RASGEF1A: variants seen among roughly 807,000 people sequenced by gnomAD.
RASGEF1A encodes RasGEF domain family member 1A, also known as ras-GEF domain-containing family member 1A.
Under a neutral mutation model 56.4 loss-of-function variants are expected in RASGEF1A, and 18 were observed. The observed-to-expected ratio is 0.32, with a 90% confidence interval of 0.22 to 0.47. RASGEF1A has a LOEUF of 0.47. Ranked by LOEUF, RASGEF1A falls within the 20% of genes least tolerant of loss-of-function variation. RASGEF1A has a pLI of 1.00. For synonymous variants in RASGEF1A, 245 were observed against 242.6 expected (o/e 1.01, Z -0.09); for missense variants, 422 against 627.1 (o/e 0.67, Z 3.49).
rs1433092848 is a variant in RASGEF1A at position 43,194,732 on chromosome 10, T to C, written c.*1512A>G. ...GTACTAGAACTGATCACCCGTGAAG[T>C]GCACGTGGGTGTGTACAGAAACCGT... On this transcript the variant is annotated 3_prime_UTR_variant, in exon 13 of 13. Transcript: ENST00000395810. The C allele has an allele frequency of 1.3e-5, 2 of 152,406 alleles. No homozygotes were observed. The highest frequency in any genetic ancestry group is 1.3e-4 in the Admixed American group (2 of 15,286). The allele number at this position is 152,406 out of a possible 1,614,324, so 9.4% of individuals were successfully genotyped here.
intron 1 of RASGEF1A, among the ~76,000 whole-genome samples, chr10:43,225,403 G>A (rs1840264584): frequency 6.6e-6 from 1 of 151,582 alleles, no homozygotes; most frequent in Admixed American, 6.6e-5. Context: ...GTCTGTGTGT[G>A]TGCCTGCATG....
At chr10:43,242,878 C>T in intron 1 of RASGEF1A, among the ~76,000 whole-genome samples, 1 of 152,228 alleles carries the variant, frequency 6.6e-6, no homozygotes, top group East Asian at 1.9e-4. Context: ...TCTCGGCTCA[C>T]TACAACCTCC....
chr10:43,199,402 A>G (rs1446061824), intron 7 of RASGEF1A, among the ~76,000 whole-genome samples: 2 of 152,200 alleles, frequency 1.3e-5, no homozygotes, highest in Non-Finnish European at 2.9e-5. Flanking sequence ...GGAAGGCACC[A>G]TCTGCCCCAG....
intron 1 of RASGEF1A, among the ~76,000 whole-genome samples, chr10:43,262,133 G>T (rs180724927): frequency 1.6e-4 from 25 of 152,286 alleles, no homozygotes; most frequent in African/African-American, 5.3e-4. Flanking sequence ...GGCAGAGAGA[G>T]TGGGGGAGGG....
intron 1 of RASGEF1A, among the ~76,000 whole-genome samples, chr10:43,242,300 G>A (rs1231043313): frequency 3.3e-5 from 5 of 152,050 alleles, no homozygotes; most frequent in African/African-American, 1.2e-4. Context: ...TGATTAAAGG[G>A]CTAATCAACA....
chr10:43,248,578 C>A (rs1362306105), intron 1 of RASGEF1A, among the ~76,000 whole-genome samples: 1 of 152,214 alleles, frequency 6.6e-6, no homozygotes, highest in Non-Finnish European at 1.5e-5. Context: ...CACAATCTAA[C>A]AGGTGAGAAT....
At chr10:43,214,007 CAT>C (rs750768131) in intron 1 of RASGEF1A, among the ~76,000 whole-genome samples, 2 of 152,328 alleles carry the variant, frequency 1.3e-5, no homozygotes, top group Admixed American at 6.5e-5. Context: ...CCTCTGGCCT[CAT>C]GTGTGCAAAA....
rs530024918 is a variant in RASGEF1A at position 43,208,975 on chromosome 10, C to T, written c.-6-2853G>A. 2.2e-4 allele frequency: 213 copies of T among 985,496 alleles called. 1 individual carries two copies. The African/African-American group carries it at 2.4e-3, about 11-fold the overall frequency. 61.0% of individuals were successfully genotyped at this position (985,496 alleles called of 1,614,324 possible). Reference sequence around the variant, plus strand: ...GGTGATGATGACAGCACTTCCACTGCGGGGTCCCCTGCCGGCCACCCCCAC... The same window carrying T: ...GGTGATGATGACAGCACTTCCACTGTGGGGTCCCCTGCCGGCCACCCCCAC... On this transcript the variant is annotated intron_variant, in intron 1 of 12. Transcript: ENST00000395810.
intron 1 of RASGEF1A, among the ~76,000 whole-genome samples, chr10:43,248,517 G>A (rs930538632): frequency 5.9e-5 from 9 of 152,088 alleles, no homozygotes; most frequent in Non-Finnish European, 8.8e-5. Context: ...AAAAGATGAC[G>A]ATGACCAACA....
chr10:43,203,802 G>A (rs1050659413), intron 2 of RASGEF1A: 2 of 1,031,636 alleles, frequency 1.9e-6, no homozygotes, highest in Non-Finnish European at 2.3e-6. Flanking sequence ...ATCCTCGTGG[G>A]CCGAGCTGGA....
intron 6 of RASGEF1A, 142 bp from the exon 7 acceptor site, chr10:43,199,910 A>C (rs1399587541): frequency 1.3e-6 from 1 of 770,706 alleles, no homozygotes; most frequent in Non-Finnish European, 2.1e-6. Context: ...CTTGCTGCCC[A>C]GTGCAGGGCT....
intron 10 of RASGEF1A, among the ~76,000 whole-genome samples, chr10:43,197,546 C>T (rs535422906): frequency 1.4e-4 from 22 of 152,360 alleles, no homozygotes; most frequent in Middle Eastern, 3.4e-3. Flanking sequence ...CAGCCACCTA[C>T]ACCTGCCCTG....
At chr10:43,215,408 C>T (rs1019895387) in intron 1 of RASGEF1A, among the ~76,000 whole-genome samples, 13 of 152,258 alleles carry the variant, frequency 8.5e-5, no homozygotes, top group Non-Finnish European at 1.8e-4. Context: ...CACATCTCGC[C>T]TGTCTCCCCT....
intron 5 of RASGEF1A, 96 bp from the exon 6 acceptor site, chr10:43,200,352 A>G (rs1839874294): frequency 9.3e-7 from 1 of 1,080,690 alleles, no homozygotes; most frequent in Non-Finnish European, 1.4e-6. Flanking sequence ...GGAGCTGCCC[A>G]GGGCACAGGA....
At position 43,236,716 on chromosome 10, in the gene RASGEF1A, C is replaced by T. The variant is rs576760130; in HGVS notation, c.-7+30129G>A. 2.6e-5 allele frequency among the ~76,000 whole-genome samples: 4 copies of T among 152,358 alleles called. No individual in the cohort carries two copies. In the South Asian group the frequency reaches 6.2e-4, roughly 24 times the overall value. ...TTCTAAAACCAGGACATGAGGCATC[C>T]CTGCTCCCACTAAGACTGTGCAAAG... On this transcript the variant is annotated intron_variant, in intron 1 of 12. Transcript: ENST00000395810.
At chr10:43,206,594 G>T in intron 1 of RASGEF1A, 1 of 995,624 alleles carries the variant, frequency 1.0e-6, no homozygotes, top group South Asian at 4.5e-5. Flanking sequence ...TGGGAGGACA[G>T]TCTGAGGACT....
intron 1 of RASGEF1A, among the ~76,000 whole-genome samples, chr10:43,217,582 G>A (rs1224768946): frequency 1.3e-5 from 2 of 152,244 alleles, no homozygotes; most frequent in African/African-American, 2.4e-5. Context: ...CCCTCTGGAC[G>A]TCATCTATCC....
At chr10:43,265,200 T>G (rs1836602515) in intron 1 of RASGEF1A, among the ~76,000 whole-genome samples, 2 of 152,240 alleles carry the variant, frequency 1.3e-5, no homozygotes, top group Admixed American at 1.3e-4. Context: ...CTGCTCTGTG[T>G]GAACTGTTCC....
At chr10:43,249,309 G>A (rs992521688) in intron 1 of RASGEF1A, among the ~76,000 whole-genome samples, 1 of 152,144 alleles carries the variant, frequency 6.6e-6, no homozygotes, top group African/African-American at 2.4e-5. Flanking sequence ...CCATCTGTAT[G>A]TCCATCCTCC....
Sources: gnomAD v4.1 joint callset for allele counts (sites outside exome capture counted in the v4.1 genomes callset) on GRCh38, gnomAD v4.1.1 for gene constraint, MANE v1.5 for transcripts, NCBI Gene and HGNC (gene_info 2026-07-23, HGNC 2026-07-21) for gene names.